RGS7: variants seen among roughly 807,000 people sequenced by gnomAD.
RGS7 encodes regulator of G-protein signaling 7.
Under a neutral mutation model 81.1 loss-of-function variants are expected in RGS7, and 27 were observed. The ratio of observed to expected loss-of-function variants is 0.33; its 90% CI spans 0.25 to 0.46. The LOEUF (loss-of-function observed/expected upper bound fraction) is 0.46, where lower values mean the gene tolerates loss of function less well. Ranked by LOEUF, RGS7 falls within the 20% of genes least tolerant of loss-of-function variation. The pLI is 1.00. For synonymous variants in RGS7, 208 were observed against 207.7 expected (o/e 1.00, Z -0.01); for missense variants, 396 against 607.4 (o/e 0.65, Z 3.66).
chr1:241,253,961 G>T (rs376141856), intron 2 of RGS7, among the ~76,000 whole-genome samples: 1 of 152,120 alleles, frequency 6.6e-6, no homozygotes, highest in South Asian at 2.1e-4. Flanking sequence ...AGAGGTTATT[G>T]GTTTTGATGG....
At chr1:241,125,783 A>G (rs2103015924) in intron 2 of RGS7, among the ~76,000 whole-genome samples, 1 of 152,340 alleles carries the variant, frequency 6.6e-6, no homozygotes, top group Admixed American at 6.5e-5. Flanking sequence ...CTCCCTATCT[A>G]ATTTATAAAG....
At chr1:241,051,880 G>A (rs980471850) in intron 3 of RGS7, among the ~76,000 whole-genome samples, 3 of 152,134 alleles carry the variant, frequency 2.0e-5, no homozygotes, top group Non-Finnish European at 4.4e-5. Context: ...TCATTTCACA[G>A]ATGAAAACAC....
chr1:241,022,005 GT>G (rs955615409), intron 3 of RGS7, among the ~76,000 whole-genome samples: 2 of 152,166 alleles, frequency 1.3e-5, no homozygotes, highest in African/African-American at 2.4e-5. Context: ...ATCACTGCAT[GT>G]TTAGCTGTGC....
intron 10 of RGS7, chr1:240,822,929 A>G (rs1558307793): frequency 2.3e-5 from 10 of 441,490 alleles, no homozygotes; most frequent in Non-Finnish European, 3.8e-5. Flanking sequence ...ACACCGAAAT[A>G]CTAGAAAACA....
intron 10 of RGS7, among the ~76,000 whole-genome samples, chr1:240,822,615 A>G (rs927598394): frequency 2.0e-5 from 3 of 152,254 alleles, no homozygotes; most frequent in African/African-American, 7.2e-5. Context: ...AAGTACATAC[A>G]TGCTGGTATT....
At chr1:241,231,965 G>A (rs2075685696) in intron 2 of RGS7, among the ~76,000 whole-genome samples, 1 of 152,088 alleles carries the variant, frequency 6.6e-6, no homozygotes, top group Non-Finnish European at 1.5e-5. Flanking sequence ...TTGCTCCTCT[G>A]TTTAGTTCTA....
chr1:240,980,071 C>T (rs562845726), intron 4 of RGS7, among the ~76,000 whole-genome samples: 113 of 152,072 alleles, frequency 7.4e-4, no homozygotes, highest in African/African-American at 2.6e-3. Context: ...AAAAAAAATC[C>T]AAAATTTTAA....
intron 2 of RGS7, among the ~76,000 whole-genome samples, chr1:241,348,524 G>A (rs10802953): frequency 0.73 from 110,350 of 152,156 alleles, 42,635 homozygotes; most frequent in South Asian, 0.85. Flanking sequence ...AGAAAGAGAG[G>A]CCATAGAAAG....
At chr1:240,966,342 A>G (rs994568014) in intron 4 of RGS7, among the ~76,000 whole-genome samples, 5 of 152,218 alleles carry the variant, frequency 3.3e-5, no homozygotes, top group African/African-American at 1.2e-4. Context: ...GTTTCAGTTA[A>G]TATGACATTA....
At chr1:241,180,327 A>T (rs1331495093) in intron 2 of RGS7, among the ~76,000 whole-genome samples, 1 of 152,086 alleles carries the variant, frequency 6.6e-6, no homozygotes, top group Non-Finnish European at 1.5e-5. Flanking sequence ...GTGAGCTGAG[A>T]TGGCGCCACT....
chr1:241,075,651 T>C (rs925794051), intron 3 of RGS7, among the ~76,000 whole-genome samples: 3 of 152,182 alleles, frequency 2.0e-5, no homozygotes, highest in Non-Finnish European at 2.9e-5. Flanking sequence ...TACAAATGTG[T>C]GTTGGGCCAC....
chr1:240,942,282 G>A (rs1216035512), intron 4 of RGS7, among the ~76,000 whole-genome samples: 2 of 152,176 alleles, frequency 1.3e-5, no homozygotes, highest in African/African-American at 2.4e-5. Context: ...GGGTGCAATC[G>A]GTTAGCTCAC....
rs532440912 is a variant in RGS7, at chr1:241,020,664, A to G, written c.176-37535T>C. On this transcript the variant is annotated intron_variant, in intron 3 of 18. Coordinates refer to ENST00000440928, the MANE Select transcript of RGS7 (RefSeq NM_001364886.1). ...AAGACCATTCAATCTTCTATAATGT[A>G]TTAGTTAAGTCAGCTGTTGACTGAA... 1.4e-4 allele frequency among the ~76,000 whole-genome samples: 21 copies of G among 152,336 alleles called. 1 individual carries two copies. In the South Asian group the frequency reaches 3.7e-3, roughly 27 times the overall value.
At chr1:241,039,397 A>T (rs2060490647) in intron 3 of RGS7, among the ~76,000 whole-genome samples, 1 of 152,124 alleles carries the variant, frequency 6.6e-6, no homozygotes, top group Non-Finnish European at 1.5e-5. Context: ...CACTGGAAGG[A>T]TCTTATTCGT....
chr1:241,088,017 TACACACACAC>T (rs1201357772), intron 3 of RGS7, among the ~76,000 whole-genome samples: 1,812 of 115,478 alleles, frequency 0.016, 56 homozygotes, highest in African/African-American at 0.063. Flanking sequence ...CATATATATA[TACACACACAC>T]ATATATATAT....
chr1:240,883,962 G>C (rs1170520695), intron 6 of RGS7, among the ~76,000 whole-genome samples: 1 of 151,488 alleles, frequency 6.6e-6, no homozygotes, highest in Non-Finnish European at 1.5e-5. Context: ...TATAATCCCA[G>C]CTACTCGGGA....
intron 2 of RGS7, among the ~76,000 whole-genome samples, chr1:241,123,908 C>T (rs556727781): frequency 4.6e-5 from 7 of 152,300 alleles, no homozygotes; most frequent in South Asian, 2.1e-4. Flanking sequence ...TAGAAGAGGG[C>T]CTGCCCCTGG....
At chr1:240,860,279 C>G (rs954705597) in intron 9 of RGS7, among the ~76,000 whole-genome samples, 1 of 152,130 alleles carries the variant, frequency 6.6e-6, no homozygotes, top group African/African-American at 2.4e-5. Context: ...CCTGCTTGAA[C>G]TGTAAATTAC....
rs569284463 is a variant in RGS7 at position 241,310,270 on chromosome 1, C to T, written c.78+45429G>A. Among the ~76,000 whole-genome samples, 11 of 152,182 alleles carry T rather than the reference C, an allele frequency of 7.2e-5. No homozygotes were observed. The Middle Eastern group carries it at 0.01, about 141-fold the overall frequency. ...CTTGAGAAATTGACTGAAGTAGCAC[C>T]CTGTCTTCTAATGTAGTCAAGTCTA... On this transcript the variant is annotated intron_variant, in intron 2 of 18. Coordinates refer to ENST00000440928, the MANE Select transcript of RGS7 (RefSeq NM_001364886.1).
Sources: gnomAD v4.1 joint callset for allele counts (sites outside exome capture counted in the v4.1 genomes callset) on GRCh38, gnomAD v4.1.1 for gene constraint, MANE v1.5 for transcripts, NCBI Gene and HGNC (gene_info 2026-07-23, HGNC 2026-07-21) for gene names.